Variants in DPYSL3 observed in about 807,000 individuals in gnomAD.
The protein encoded by DPYSL3 is dihydropyrimidinase-related protein 3.
In DPYSL3, 16 loss-of-function variants were observed where a neutral mutation model predicts 66.1. The observed-to-expected ratio is 0.24, with a 90% confidence interval of 0.16 to 0.37. DPYSL3 has a LOEUF of 0.37. Ranked by LOEUF, DPYSL3 falls within the 10% of genes least tolerant of loss-of-function variation. DPYSL3 has a pLI of 1.00. For missense variants in DPYSL3, 738 were observed against 916.2 expected, an observed-to-expected ratio of 0.81 and a Z score of 2.51; for synonymous variants, 338 against 345.1, an observed-to-expected ratio of 0.98 and a Z score of 0.23.
At chr5:147,465,809 G>T (rs556376629) in intron 1 of DPYSL3, among the ~76,000 whole-genome samples, 2 of 152,276 alleles carry the variant, frequency 1.3e-5, no homozygotes, top group African/African-American at 4.8e-5. Flanking sequence ...GTCATATAAG[G>T]TCTGCTGAAG....
At chr5:147,421,586 A>G (rs1330602060) in intron 2 of DPYSL3, among the ~76,000 whole-genome samples, 1 of 152,234 alleles carries the variant, frequency 6.6e-6, no homozygotes, top group Non-Finnish European at 1.5e-5. Context: ...AGCTGGAGGC[A>G]TCATACTACC....
chr5:147,424,763 G>T (rs1275991229), intron 2 of DPYSL3, 112 bp downstream of exon 2: 2 of 803,808 alleles, frequency 2.5e-6, no homozygotes, highest in Non-Finnish European at 3.9e-6. Context: ...ACTTCATTCT[G>T]TTGATTAAAT....
chr5:147,440,047 A>G (rs945453514), intron 1 of DPYSL3, among the ~76,000 whole-genome samples: 2 of 152,222 alleles, frequency 1.3e-5, no homozygotes, highest in African/African-American at 4.8e-5. Context: ...TCACGCCTGT[A>G]ATCCCAGCAC....
chr5:147,395,533 T>C, intron 13 of DPYSL3, 26 bp downstream of exon 13: 1 of 1,594,298 alleles, frequency 6.3e-7, no homozygotes, highest in Non-Finnish European at 8.5e-7. Context: ...CCTTCTCTTA[T>C]CTTTTGATGA....
intron 8 of DPYSL3, among the ~76,000 whole-genome samples, chr5:147,403,469 G>A (rs943948874): frequency 3.9e-5 from 6 of 152,042 alleles, no homozygotes; most frequent in African/African-American, 1.4e-4. Context: ...GGGAGATCCT[G>A]GACAAGTTGT....
At chr5:147,497,721 CTT>C in intron 1 of DPYSL3, among the ~76,000 whole-genome samples, 1 of 148,100 alleles carries the variant, frequency 6.8e-6, no homozygotes, top group Admixed American at 6.8e-5. Context: ...AAAAAAAAAA[CTT>C]AGCGAAGTAG....
chr5:147,508,356 A>C (rs760077782), intron 1 of DPYSL3, among the ~76,000 whole-genome samples: 17 of 152,234 alleles, frequency 1.1e-4, no homozygotes, highest in Non-Finnish European at 1.9e-4. Context: ...AAACAACTAA[A>C]ACCTGAATAA....
intron 6 of DPYSL3, among the ~76,000 whole-genome samples, chr5:147,409,404 T>TA (rs1193953504): frequency 6.6e-6 from 1 of 152,248 alleles, no homozygotes; most frequent in Non-Finnish European, 1.5e-5. Context: ...CATATTTTAA[T>TA]AAGCCACTCA....
chr5:147,437,655 G>C (rs1028069551), intron 1 of DPYSL3, among the ~76,000 whole-genome samples: 1 of 152,168 alleles, frequency 6.6e-6, no homozygotes, highest in African/African-American at 2.4e-5. Flanking sequence ...AGTTTGCTCT[G>C]CCTTGTAGTC....
At chr5:147,507,526 C>T (rs759814310) in intron 1 of DPYSL3, among the ~76,000 whole-genome samples, 2 of 152,114 alleles carry the variant, frequency 1.3e-5, no homozygotes, top group Admixed American at 1.3e-4. Flanking sequence ...ATGTGCCAAG[C>T]ATTCTAGCCA....
chr5:147,475,233 G>A (rs1753140022), intron 1 of DPYSL3, among the ~76,000 whole-genome samples: 1 of 152,068 alleles, frequency 6.6e-6, no homozygotes, highest in African/African-American at 2.4e-5. Context: ...ATCTGAATAA[G>A]GCCCTGCCAC....
At chr5:147,406,654 G>A (rs1374945190) in intron 7 of DPYSL3, among the ~76,000 whole-genome samples, 1 of 152,180 alleles carries the variant, frequency 6.6e-6, no homozygotes, top group African/African-American at 2.4e-5. Context: ...CCAGTTGAGG[G>A]TCTGTGTTAC....
chr5:147,480,828 T>C (rs1753228373), intron 1 of DPYSL3, among the ~76,000 whole-genome samples: 1 of 151,624 alleles, frequency 6.6e-6, no homozygotes, highest in Admixed American at 6.6e-5. Context: ...GTTTAAGCGA[T>C]TCTTCTGCCT....
At chr5:147,422,752 G>A (rs190022121) in intron 2 of DPYSL3, among the ~76,000 whole-genome samples, 3 of 151,888 alleles carry the variant, frequency 2.0e-5, no homozygotes, top group Non-Finnish European at 2.9e-5. Context: ...ACTAACACAG[G>A]AACAGGAAAC....
chr5:147,461,774 T>C (rs1355202663), intron 1 of DPYSL3, among the ~76,000 whole-genome samples: 1 of 152,154 alleles, frequency 6.6e-6, no homozygotes, highest in Non-Finnish European at 1.5e-5. Flanking sequence ...ATTTGGCCTT[T>C]GGGGTTCACT....
chr5:147,503,190 A>G (rs1424609614), intron 1 of DPYSL3, among the ~76,000 whole-genome samples: 2 of 152,038 alleles, frequency 1.3e-5, no homozygotes, highest in Non-Finnish European at 2.9e-5. Context: ...CCAAGCACTC[A>G]CCCAATTTGT....
intron 1 of DPYSL3, among the ~76,000 whole-genome samples, chr5:147,436,260 G>T (rs913148253): frequency 8.5e-5 from 13 of 152,092 alleles, no homozygotes; most frequent in Non-Finnish European, 1.5e-4. Context: ...GCCAACAATG[G>T]GATGTGATTT....
At position 147,395,792 on chromosome 5, in the gene DPYSL3, T is replaced by C. The variant is rs1325459848; in HGVS notation, c.1804-71A>G. The C allele has an allele frequency of 4.2e-5, 66 of 1,559,256 alleles. 1 individual carries two copies. The highest frequency in any genetic ancestry group is 8.1e-5 in the South Asian group (7 of 86,566). On this transcript the variant is annotated intron_variant, in intron 12 of 13. Transcript: ENST00000343218. Reference sequence around the variant, plus strand: ...TAGGGTCTGTTCTAGGTATCATAAATATATTAGTGAATACAGTGTGTGGTG... The same window carrying C: ...TAGGGTCTGTTCTAGGTATCATAAACATATTAGTGAATACAGTGTGTGGTG...
At chr5:147,400,206 C>T (rs1175153027) in intron 10 of DPYSL3, among the ~76,000 whole-genome samples, 1 of 152,132 alleles carries the variant, frequency 6.6e-6, no homozygotes, top group African/African-American at 2.4e-5. Flanking sequence ...ATAAAACAGG[C>T]CACTTGCCAG....
Sources: allele counts gnomAD v4.1 joint callset (sites outside exome capture counted in the v4.1 genomes callset), GRCh38; gene constraint gnomAD v4.1.1; transcripts MANE v1.5; gene names NCBI Gene and HGNC (gene_info 2026-07-23, HGNC 2026-07-21).